PPM1F: variants seen among roughly 807,000 people sequenced by gnomAD.
PPM1F encodes the protein protein phosphatase 1F.
PPM1F carries 17 observed loss-of-function variants against 35.5 expected under a neutral mutation model. The ratio of observed to expected loss-of-function variants is 0.48; its 90% CI spans 0.33 to 0.72. The LOEUF (loss-of-function observed/expected upper bound fraction) is 0.72, where lower values mean the gene tolerates loss of function less well. Ranked by LOEUF, PPM1F falls within the 30% of genes least tolerant of loss-of-function variation. The pLI is 0.02. For missense variants in PPM1F, 521 were observed against 613.0 expected (o/e 0.85, Z 1.59); for synonymous variants, 241 against 255.5 (o/e 0.94, Z 0.54).
chr22:21,923,239 G>T lies in PPM1F; in HGVS notation c.1218C>A (p.Ile406=), dbSNP rs1569124843. 6.2e-7 allele frequency: 1 copy of T among 1,613,406 alleles called. No homozygotes were observed. Among genetic ancestry groups the T allele is most frequent in the Admixed American group, 1.7e-5 (1 of 59,998 alleles). Residue 406 remains isoleucine (I), a synonymous_variant, in exon 8 of 8, where the codon ATC becomes ATA. Coordinates refer to ENST00000263212, the MANE Select transcript of PPM1F (RefSeq NM_014634.4). ...AARERGSHDN[I]TVMVVFLRDP... ...CCCTGAGGAAGACCACCATGACCGT[G>T]ATGTTGTCGTGGGAGCCCCGCTCCC...
intron 3 of PPM1F, chr22:21,937,845 C>T (rs240067): frequency 0.31 from 90,963 of 294,470 alleles, 14,770 homozygotes; most frequent in Middle Eastern, 0.37. Flanking sequence ...GGCTGCAGCC[C>T]CGCAACCTCG....
At chr22:21,930,039 C>T (rs1008733635) in intron 6 of PPM1F, among the ~76,000 whole-genome samples, 1 of 152,176 alleles carries the variant, frequency 6.6e-6, no homozygotes, top group Admixed American at 6.5e-5. Context: ...TACAAGGAAC[C>T]TATAAACTGA....
chr22:21,933,592 T>G lies in PPM1F; in HGVS notation c.559-13A>C. On this transcript the variant is annotated splice_polypyrimidine_tract_variant and intron_variant, in intron 4 of 7. Transcript: ENST00000263212. Reference sequence around the variant, plus strand: ...GGTTCACAGGGTCCTGGTGGGGATGTGGTGGGAGTCACAGACCCGCGGGAC... The same window carrying G: ...GGTTCACAGGGTCCTGGTGGGGATGGGGTGGGAGTCACAGACCCGCGGGAC... The G allele has an allele frequency of 1.9e-6, 3 of 1,599,276 alleles. No individual in the cohort carries two copies. Among genetic ancestry groups the G allele is most frequent in the Non-Finnish European group, 2.6e-6 (3 of 1,168,686 alleles).
chr22:21,950,469 A>G (rs2070824128), intron 1 of PPM1F: 1 of 151,976 alleles, frequency 6.6e-6, no homozygotes, highest in Non-Finnish European at 1.5e-5. Flanking sequence ...TGCAGGGTTT[A>G]ACAACTGCAG....
chr22:21,933,809 C>T (rs2070624354), intron 4 of PPM1F, among the ~76,000 whole-genome samples: 1 of 152,202 alleles, frequency 6.6e-6, no homozygotes, highest in Admixed American at 6.5e-5. Context: ...CCAGGTGGCT[C>T]CTGGTGCAGG....
chr22:21,934,091 T>C lies in PPM1F; in HGVS notation c.491A>G (p.Asn164Ser). 1 of 1,564,776 alleles carries C rather than the reference T, an allele frequency of 6.4e-7. No individual in the cohort carries two copies. Among genetic ancestry groups the C allele is most frequent in the Non-Finnish European group, 8.7e-7 (1 of 1,154,812 alleles). ...QWLVSIHAIR[N>S]TRRKMEDRHV... is the part of the protein sequence containing the mutation. ...CCGGTCCTCCATCTTGCGGCGAGTGTTCCGGATGGCGTGGATGGAGACCAG... is the reference window on the plus strand; with the variant it reads ...CCGGTCCTCCATCTTGCGGCGAGTGCTCCGGATGGCGTGGATGGAGACCAG... Residue 164 changes from asparagine (N) to serine (S), a missense_variant, in exon 4 of 8, where the codon AAC becomes AGC. Around this residue, in one of 3 missense-constraint regions of PPM1F, gnomAD observed 311 missense variants for 351.5 expected, o/e 0.88. Transcript: ENST00000263212.
At chr22:21,938,004 A>C in intron 3 of PPM1F, 1 of 1,054,624 alleles carries the variant, frequency 9.5e-7, no homozygotes, top group Non-Finnish European at 1.2e-6. Flanking sequence ...GGAGTCCAAA[A>C]ACTTGACTAC....
At chr22:21,931,390 G>A (rs1465044669) in intron 5 of PPM1F, 99 bp from the exon 6 acceptor site, 13 of 1,203,076 alleles carry the variant, frequency 1.1e-5, no homozygotes, top group Middle Eastern at 2.8e-4. Context: ...GAATACTTCC[G>A]TTACTGTGGT....
In PPM1F at chr22:21,945,998, C is replaced by T; in HGVS notation, c.51G>A (p.Glu17=). 1 of 1,601,450 alleles carries T rather than the reference C, an allele frequency of 6.2e-7. No individual in the cohort carries two copies. The highest frequency in any genetic ancestry group is 2.3e-5 in the East Asian group (1 of 44,324). ...QKSSPMASGA[E]ETPGFLDTLL... ...GCGTGTCCAGGAAGCCTGGGGTCTC[C>T]TCAGCTCCACTGGCCATTGGGCTGC... Residue 17 remains glutamate, a synonymous_variant, in exon 2 of 8, where the codon GAG becomes GAA. Coordinates refer to ENST00000263212, the MANE Select transcript of PPM1F (RefSeq NM_014634.4).
chr22:21,934,119 A>G lies in PPM1F; in HGVS notation c.463T>C (p.Trp155Arg). The G allele has an allele frequency of 1.3e-6, 2 of 1,567,788 alleles. No individual in the cohort carries two copies. Among genetic ancestry groups the G allele is most frequent in the Non-Finnish European group, 1.7e-6 (2 of 1,156,476 alleles). Residue 155 changes from tryptophan to arginine, a missense_variant, in exon 4 of 8, where the codon TGG becomes CGG. This residue lies in a region of PPM1F where 311 missense variants were observed against 351.5 expected (regional missense o/e 0.88). Coordinates refer to ENST00000263212, the MANE Select transcript of PPM1F (RefSeq NM_014634.4). ...PLAARASQRQWLVSIHAIRNT... is the reference protein window; with the variant it reads ...PLAARASQRQRLVSIHAIRNT... ...CGGATGGCGTGGATGGAGACCAGCC[A>G]CTGCCGCTGTGAGGCCCGGGCAGCC...
Position 21,923,374 on chromosome 22 carries a change from G to A in PPM1F, c.1083C>T (p.Gly361=). ...CCTGGTGGGGTACGACGTCAAAGAA[G>A]CCATCACAGGCAAGCAGCAGGTAGT... ...SEDYLLLACD[G]FFDVVPHQEV... is the part of the protein sequence containing the mutation. Residue 361 remains glycine, a synonymous_variant, in exon 8 of 8, where the codon GGC becomes GGT. Coordinates refer to ENST00000263212, the MANE Select transcript of PPM1F (RefSeq NM_014634.4). 6.2e-7 allele frequency: 1 copy of A among 1,613,892 alleles called. No individual in the cohort carries two copies. The highest frequency in any genetic ancestry group is 2.2e-5 in the East Asian group (1 of 44,882).
At chr22:21,930,635 T>C (rs1048498558) in intron 6 of PPM1F, among the ~76,000 whole-genome samples, 1 of 152,150 alleles carries the variant, frequency 6.6e-6, no homozygotes, top group Non-Finnish European at 1.5e-5. Flanking sequence ...GATATCTGAA[T>C]GCTCGCAATC....
chr22:21,950,751 T>C (rs536678777), intron 1 of PPM1F: 2 of 152,196 alleles, frequency 1.3e-5, no homozygotes, highest in Admixed American at 1.3e-4. Context: ...GCCTCCCTAG[T>C]AGCTGGGATT....
chr22:21,942,836 C>A (rs1192276605), intron 2 of PPM1F: 1 of 152,326 alleles, frequency 6.6e-6, no homozygotes, highest in African/African-American at 2.4e-5. Flanking sequence ...CTGGTCCCTG[C>A]AGAGCAGGCT....
chr22:21,951,974 C>G (rs1183939042), intron 1 of PPM1F: 3 of 152,240 alleles, frequency 2.0e-5, no homozygotes, highest in Non-Finnish European at 4.4e-5. Flanking sequence ...CACTTTCTAT[C>G]CCCCGTGGTG....
chr22:21,939,629 C>G lies in PPM1F; in HGVS notation c.258G>C (p.Gln86His), dbSNP rs765252377. 70 of 1,558,054 alleles carry G rather than the reference C, an allele frequency of 4.5e-5. No individual in the cohort carries two copies. The highest frequency in any genetic ancestry group is 5.9e-5 in the Non-Finnish European group (68 of 1,149,946). Residue 86 changes from glutamine to histidine, a missense_variant, in exon 3 of 8, where the codon CAG becomes CAC. By Grantham distance (24) the Gln-to-His change is conservative. Around this residue, in one of 3 missense-constraint regions of PPM1F, gnomAD observed 311 missense variants for 351.5 expected, o/e 0.88. Transcript: ENST00000263212. The surrounding 1 kb of genome is among the most constrained non-coding windows in gnomAD (Gnocchi z 5.1). ...AAALAHEAVS[Q>H]LLQTDLSEFR... Reference sequence around the variant, plus strand: ...ATTCGGAAAGGTCTGTCTGTAGCAGCTGTGAAACTGCTTCGTGGGCCAGAG... The same window carrying G: ...ATTCGGAAAGGTCTGTCTGTAGCAGGTGTGAAACTGCTTCGTGGGCCAGAG...
chr22:21,924,369 G>A (rs1387186897), intron 7 of PPM1F, among the ~76,000 whole-genome samples: 2 of 152,018 alleles, frequency 1.3e-5, no homozygotes, highest in South Asian at 2.1e-4. Flanking sequence ...CAGGGTTCAG[G>A]TGATCCTGCT....
In PPM1F at chr22:21,919,945, A is replaced by G. The variant is rs1233898263; in HGVS notation, c.*3147T>C. 6.6e-6 allele frequency: 1 copy of G among 152,322 alleles called. No homozygotes were observed. The highest frequency in any genetic ancestry group is 1.5e-5 in the Non-Finnish European group (1 of 68,162). The allele number at this position is 152,322 out of a possible 1,614,324, so 9.4% of individuals were successfully genotyped here. On this transcript the variant is annotated 3_prime_UTR_variant, in exon 8 of 8. Coordinates refer to ENST00000263212, the MANE Select transcript of PPM1F (RefSeq NM_014634.4). ...TCTGCACCCCGTCCCTTTCCCCACT[A>G]AACACACCCATTTCCTATCCTGGGT... is the stretch of plus-strand genomic sequence containing the variant.
intron 3 of PPM1F, chr22:21,936,545 T>G (rs1009139356): frequency 2.0e-5 from 3 of 152,240 alleles, no homozygotes; most frequent in Non-Finnish European, 4.4e-5. Context: ...CTGCTTCTGA[T>G]GAAGAGTGGC....
Sources: allele counts gnomAD v4.1 joint callset (sites outside exome capture counted in the v4.1 genomes callset), GRCh38; gene constraint gnomAD v4.1.1; regional missense constraint gnomAD v4.1.1; non-coding constraint Gnocchi (gnomAD v3.1); transcripts MANE v1.5; gene names NCBI Gene and HGNC (gene_info 2026-07-23, HGNC 2026-07-21).